RANBP17: variants seen among roughly 807,000 people sequenced by gnomAD.
RANBP17 encodes the protein ran-binding protein 17.
A neutral mutation model predicts 141.2 loss-of-function variants in RANBP17; 158 were observed. That is an observed-to-expected ratio of 1.12 (90% confidence interval 0.98 to 1.28). The LOEUF is 1.28. Among genes scored for constraint, RANBP17 ranks in the 50% most tolerant of loss-of-function variants. The pLI is 0.00. For synonymous variants in RANBP17, 430 were observed against 450.0 expected, an observed-to-expected ratio of 0.96 and a Z score of 0.56; for missense variants, 1,438 against 1,290.7, an observed-to-expected ratio of 1.11 and a Z score of -1.75.
At chr5:170,967,460 T>C (rs1274969440) in intron 13 of RANBP17, among the ~76,000 whole-genome samples, 2 of 151,966 alleles carry the variant, frequency 1.3e-5, no homozygotes, top group Non-Finnish European at 2.9e-5. Context: ...TAGCACAAGG[T>C]ACTTGGCGGT....
chr5:171,142,849 G>T (rs1247166191), intron 14 of RANBP17, among the ~76,000 whole-genome samples: 6 of 152,156 alleles, frequency 3.9e-5, no homozygotes, highest in Non-Finnish European at 5.9e-5. Flanking sequence ...GTCAATAATA[G>T]CTAATGAATT....
At chr5:171,108,139 TAAC>T (rs768034094) in intron 14 of RANBP17, among the ~76,000 whole-genome samples, 12 of 151,838 alleles carry the variant, frequency 7.9e-5, no homozygotes, top group Admixed American at 6.6e-5. Context: ...AGAAATGTCA[TAAC>T]AAATAATTTT....
intron 14 of RANBP17, among the ~76,000 whole-genome samples, chr5:171,155,094 A>AAAATATAT (rs34090443): frequency 5.3e-5 from 4 of 74,982 alleles, no homozygotes; most frequent in Admixed American, 1.7e-4. Context: ...AAAAAAAAAA[A>AAAATATAT]ATATATATAT....
At chr5:171,000,436 T>C (rs1420910768) in intron 14 of RANBP17, among the ~76,000 whole-genome samples, 2 of 152,224 alleles carry the variant, frequency 1.3e-5, no homozygotes, top group Non-Finnish European at 2.9e-5. Context: ...ACAAAATATG[T>C]ATAAATTCTG....
At chr5:171,168,089 G>T (rs1480132764) in intron 14 of RANBP17, among the ~76,000 whole-genome samples, 1 of 152,120 alleles carries the variant, frequency 6.6e-6, no homozygotes, top group Non-Finnish European at 1.5e-5. Context: ...CAATAGTAGG[G>T]ACACAAAGAA....
Position 170,919,492 on chromosome 5 carries a change from A to G in RANBP17, c.1153A>G (p.Arg385Gly), listed in dbSNP as rs1222449546. 6.2e-7 allele frequency: 1 copy of G among 1,609,424 alleles called. No individual in the cohort carries two copies. The highest frequency in any genetic ancestry group is 8.5e-7 in the Non-Finnish European group (1 of 1,178,248). The change falls in exon 11 of 28, where the codon AGG becomes GGG. Residue 385 changes from arginine (R) to glycine (G), a missense_variant. Physicochemically the swap from Arg to Gly is moderately radical, Grantham distance 125. Coordinates refer to ENST00000523189, the MANE Select transcript of RANBP17 (RefSeq NM_022897.5). The part of the protein sequence containing the change: ...SVHYLLTLWQ[R>G]MVASVPFVKS... ...TCATTATTTATTAACTCTGTGGCAA[A>G]GGATGGTAGCATCTGTTCCTTTTGT...
chr5:171,082,110 G>C (rs1034944961), intron 14 of RANBP17, among the ~76,000 whole-genome samples: 1 of 152,086 alleles, frequency 6.6e-6, no homozygotes, highest in African/African-American at 2.4e-5. Flanking sequence ...CCTTAAAGCA[G>C]ATATTTTTCT....
chr5:170,891,456 G>A (rs1700547512), intron 3 of RANBP17, among the ~76,000 whole-genome samples: 1 of 152,180 alleles, frequency 6.6e-6, no homozygotes, highest in African/African-American at 2.4e-5. Context: ...TGAGGTATAT[G>A]CGTTTTGTTC....
intron 25 of RANBP17, among the ~76,000 whole-genome samples, chr5:171,267,525 T>A (rs1252481768): frequency 6.6e-6 from 1 of 152,124 alleles, no homozygotes; most frequent in Non-Finnish European, 1.5e-5. Context: ...CAGAAAATGT[T>A]GGCCGGGCGC....
intron 14 of RANBP17, among the ~76,000 whole-genome samples, chr5:171,166,812 A>G (rs1462141067): frequency 6.6e-6 from 1 of 152,246 alleles, no homozygotes; most frequent in Non-Finnish European, 1.5e-5. Context: ...GTAATCATAC[A>G]TTGATTTTAA....
chr5:170,967,188 A>G (rs1329517676), intron 13 of RANBP17, among the ~76,000 whole-genome samples: 1 of 152,152 alleles, frequency 6.6e-6, no homozygotes, highest in East Asian at 1.9e-4. Flanking sequence ...GCTTAGAACC[A>G]TGTGGATAAT....
intron 15 of RANBP17, 49 bp from the exon 16 acceptor site, chr5:171,171,157 A>C (rs766237386): frequency 5.4e-5 from 55 of 1,010,360 alleles, no homozygotes; most frequent in Admixed American, 2.8e-4. Flanking sequence ...GGTTCTCCTT[A>C]GACAAGCAAA....
intron 12 of RANBP17, among the ~76,000 whole-genome samples, chr5:170,935,862 C>A (rs988724496): frequency 6.6e-6 from 1 of 152,226 alleles, no homozygotes; most frequent in African/African-American, 2.4e-5. Context: ...GTTTCTGCTG[C>A]CTTTTGTTCA....
At chr5:171,041,512 C>A (rs1782247448) in intron 14 of RANBP17, among the ~76,000 whole-genome samples, 1 of 152,006 alleles carries the variant, frequency 6.6e-6, no homozygotes, top group African/African-American at 2.4e-5. Flanking sequence ...AAGAAATGTC[C>A]TTTTAGGCAA....
intron 14 of RANBP17, among the ~76,000 whole-genome samples, chr5:171,048,590 A>C (rs956296435): frequency 6.6e-6 from 1 of 152,098 alleles, no homozygotes; most frequent in East Asian, 1.9e-4. Flanking sequence ...GGTAATAACC[A>C]TAGTACTCGA....
At chr5:171,103,396 A>G (rs937806290) in intron 14 of RANBP17, among the ~76,000 whole-genome samples, 7 of 152,122 alleles carry the variant, frequency 4.6e-5, no homozygotes, top group African/African-American at 1.7e-4. Flanking sequence ...CTTTGTTTAC[A>G]CTGTAAGGGG....
At chr5:170,932,532 C>T (rs1434030849) in intron 12 of RANBP17, among the ~76,000 whole-genome samples, 2 of 149,746 alleles carry the variant, frequency 1.3e-5, no homozygotes, top group African/African-American at 4.9e-5. Flanking sequence ...CAGTATGATA[C>T]TGGCTGTGGG....
intron 14 of RANBP17, chr5:170,983,352 T>C (rs1777904347): frequency 4.2e-6 from 1 of 240,666 alleles, no homozygotes; most frequent in South Asian, 1.5e-4. Flanking sequence ...GAATAGTGTT[T>C]GAGGGTCAAC....
chr5:170,881,306 G>A (rs148394153), intron 2 of RANBP17, among the ~76,000 whole-genome samples: 2 of 152,242 alleles, frequency 1.3e-5, no homozygotes, highest in East Asian at 1.9e-4. Flanking sequence ...GTGAGCATGC[G>A]TTTAGACAGT....
Sources: allele counts gnomAD v4.1 joint callset (sites outside exome capture counted in the v4.1 genomes callset), GRCh38; gene constraint gnomAD v4.1.1; transcripts MANE v1.5; gene names NCBI Gene and HGNC (gene_info 2026-07-23, HGNC 2026-07-21).